The following PPP2R2C variants were observed in gnomAD, a reference collection of about 807,000 sequenced individuals.
The protein encoded by PPP2R2C is protein phosphatase 2, regulatory subunit B, gamma.
A neutral mutation model predicts 45.3 loss-of-function variants in PPP2R2C; 10 were observed. The observed-to-expected ratio is 0.22, with a 90% CI of 0.14 to 0.37. PPP2R2C has a LOEUF of 0.37. Ranked by LOEUF, PPP2R2C falls within the 10% of genes least tolerant of loss-of-function variation. The pLI, the probability that PPP2R2C is intolerant of heterozygous loss-of-function variation, is 1.00. For synonymous variants in PPP2R2C, 257 were observed against 245.4 expected, an observed-to-expected ratio of 1.05 and a Z score of -0.44; for missense variants, 308 against 619.7, an observed-to-expected ratio of 0.50 and a Z score of 5.34.
intron 2 of PPP2R2C, among the ~76,000 whole-genome samples, chr4:6,527,864 C>G (rs922222498): frequency 6.6e-6 from 1 of 152,102 alleles, no homozygotes; most frequent in African/African-American, 2.4e-5. Context: ...AAGGCAGGGC[C>G]TGGGGCCCCA....
At chr4:6,431,528 C>T (rs1381410510) in intron 1 of PPP2R2C, among the ~76,000 whole-genome samples, 4 of 152,184 alleles carry the variant, frequency 2.6e-5, no homozygotes, top group Non-Finnish European at 4.4e-5. Context: ...TCCCCAGCCA[C>T]GTCTGTGTCC....
Position 6,329,267 on chromosome 4 carries a change from G to A in PPP2R2C, c.1047C>T (p.Ser349=), listed in dbSNP as rs757014009. The part of the protein sequence containing the change: ...FDKFECAWNG[S]DSVIMTGAYN... ...GGGCTGAGGTCAGGGCTTACCTGTC[G>A]CTCCCGTTCCAGGCACATTCAAACT... Residue 349 remains serine (S), a synonymous_variant, in exon 8 of 9, where the codon AGC becomes AGT. Transcript: ENST00000382599. This position sits in a 1 kb window ranked among gnomAD's most constrained non-coding sequence, Gnocchi z 5.8. The A allele has an allele frequency of 5.0e-6, 8 of 1,613,778 alleles. No homozygotes were observed. Among genetic ancestry groups the A allele is most frequent in the East Asian group, 4.5e-5 (2 of 44,872 alleles).
At chr4:6,360,969 TAAG>T (rs1577106829) in intron 5 of PPP2R2C, among the ~76,000 whole-genome samples, 1 of 152,320 alleles carries the variant, frequency 6.6e-6, no homozygotes, top group Admixed American at 6.5e-5. Context: ...CCTCTTCTTA[TAAG>T]AACACCAGTC....
intron 1 of PPP2R2C, among the ~76,000 whole-genome samples, chr4:6,438,187 A>C (rs1480763847): frequency 6.6e-6 from 1 of 152,238 alleles, no homozygotes; most frequent in Non-Finnish European, 1.5e-5. Context: ...TCGTACAGTT[A>C]CTATGACCAT....
chr4:6,553,786 C>T (rs1160324256), intron 1 of PPP2R2C, among the ~76,000 whole-genome samples: 1 of 152,090 alleles, frequency 6.6e-6, no homozygotes, highest in African/African-American at 2.4e-5. Flanking sequence ...AAGAAGCATC[C>T]CCGTGGATCC....
At chr4:6,348,181 G>A (rs946750770) in intron 5 of PPP2R2C, among the ~76,000 whole-genome samples, 171 bp from the exon 6 acceptor site, 1 of 151,788 alleles carries the variant, frequency 6.6e-6, no homozygotes, top group Non-Finnish European at 1.5e-5. Flanking sequence ...GACCTGCATG[G>A]TGAACTGCCT....
intron 1 of PPP2R2C, among the ~76,000 whole-genome samples, chr4:6,392,225 C>T (rs1716697381): frequency 6.6e-6 from 1 of 152,100 alleles, no homozygotes; most frequent in African/African-American, 2.4e-5. Flanking sequence ...TATTCTACCA[C>T]AATAGAAAAT....
chr4:6,348,893 G>T, intron 5 of PPP2R2C: 1 of 765,824 alleles, frequency 1.3e-6, no homozygotes, highest in Non-Finnish European at 1.6e-6. Context: ...TTAGAGTCAA[G>T]AACTTTGCTG....
At chr4:6,366,047 C>T (rs537901738) in intron 5 of PPP2R2C, among the ~76,000 whole-genome samples, 327 of 152,278 alleles carry the variant, frequency 2.1e-3, no homozygotes, top group Non-Finnish European at 3.6e-3. Context: ...CCGTGGAAAA[C>T]GGAGTTTTAA....
At chr4:6,445,611 T>C (rs1720376154) in intron 1 of PPP2R2C, among the ~76,000 whole-genome samples, 1 of 152,372 alleles carries the variant, frequency 6.6e-6, no homozygotes, top group African/African-American at 2.4e-5. Flanking sequence ...GCCAGCACTC[T>C]GGGAGGCCCC....
At chr4:6,355,131 G>T (rs1049918216) in intron 5 of PPP2R2C, among the ~76,000 whole-genome samples, 7 of 152,202 alleles carry the variant, frequency 4.6e-5, no homozygotes, top group Non-Finnish European at 7.3e-5. Context: ...GCGAGGGCAG[G>T]GACCTGCCTG....
chr4:6,383,086 A>G (rs1715970873), intron 1 of PPP2R2C: 4 of 1,094,722 alleles, frequency 3.7e-6, no homozygotes, highest in Non-Finnish European at 4.5e-6. Flanking sequence ...TGGCCTGCAG[A>G]ACGGCAATTC....
chr4:6,390,275 G>A (rs1716516045), intron 1 of PPP2R2C, among the ~76,000 whole-genome samples: 1 of 152,184 alleles, frequency 6.6e-6, no homozygotes, highest in Admixed American at 6.5e-5. Flanking sequence ...GCCACAGGAT[G>A]CTACTGGCCA....
At chr4:6,365,331 C>T (rs1410085367) in intron 5 of PPP2R2C, among the ~76,000 whole-genome samples, 1 of 152,248 alleles carries the variant, frequency 6.6e-6, no homozygotes, top group Non-Finnish European at 1.5e-5. Flanking sequence ...CTGAGCAGGG[C>T]ATCCCAGTTT....
At chr4:6,515,626 A>T (rs1430000915) in intron 2 of PPP2R2C, among the ~76,000 whole-genome samples, 1 of 152,230 alleles carries the variant, frequency 6.6e-6, no homozygotes, top group Non-Finnish European at 1.5e-5. Context: ...ACACACGAGA[A>T]ATTTTAACTA....
chr4:6,452,115 G>A (rs1383679628), intron 1 of PPP2R2C, among the ~76,000 whole-genome samples: 1 of 152,180 alleles, frequency 6.6e-6, no homozygotes, highest in African/African-American at 2.4e-5. Context: ...ACAGGGCTGG[G>A]AGTGGGGTCC....
chr4:6,416,497 T>A (rs1718593857), intron 1 of PPP2R2C, among the ~76,000 whole-genome samples: 1 of 152,030 alleles, frequency 6.6e-6, no homozygotes, highest in Admixed American at 6.5e-5. Context: ...GCCACCAGGG[T>A]CTCCAGCACT....
intron 4 of PPP2R2C, among the ~76,000 whole-genome samples, chr4:6,375,342 G>C (rs534053262): frequency 1.5e-4 from 23 of 152,212 alleles, no homozygotes; most frequent in Non-Finnish European, 2.5e-4. Context: ...GGGTATGTCT[G>C]TTTCAGGCCT....
chr4:6,435,769 T>C (rs187284365), intron 1 of PPP2R2C, among the ~76,000 whole-genome samples: 2 of 152,168 alleles, frequency 1.3e-5, no homozygotes, highest in African/African-American at 4.8e-5. Flanking sequence ...CAGCCCCTTT[T>C]CTCCACTTTG....
Sources: allele counts gnomAD v4.1 joint callset (sites outside exome capture counted in the v4.1 genomes callset), GRCh38; gene constraint gnomAD v4.1.1; non-coding constraint Gnocchi (gnomAD v3.1); transcripts MANE v1.5; gene names NCBI Gene and HGNC (gene_info 2026-07-23, HGNC 2026-07-21).